CNTN4: variants seen among roughly 807,000 people sequenced by gnomAD.
The protein encoded by CNTN4 is contactin 4, also known as contactin-4.
CNTN4 carries 77 observed loss-of-function variants against 122.5 expected under a neutral mutation model. The ratio of observed to expected loss-of-function variants is 0.63; its 90% CI spans 0.52 to 0.76. The LOEUF is 0.76. Among genes scored for constraint, CNTN4 ranks in the 30% least tolerant of loss-of-function variants. The probability of loss-of-function intolerance (pLI) is 0.00; values close to 1 mark genes in which losing one functional copy is unlikely to be tolerated. For synonymous variants in CNTN4, 512 were observed against 447.0 expected, an observed-to-expected ratio of 1.15 and a Z score of -1.83; for missense variants, 1,256 against 1,259.1, an observed-to-expected ratio of 1.00 and a Z score of 0.04.
intron 3 of CNTN4, among the ~76,000 whole-genome samples, chr3:2,352,669 C>G (rs2044681889): frequency 6.6e-6 from 1 of 152,172 alleles, no homozygotes; most frequent in Non-Finnish European, 1.5e-5. Flanking sequence ...GCCCGAGCTC[C>G]CCCACGGTGG....
chr3:3,045,178 C>T (rs1008705436), intron 23 of CNTN4, among the ~76,000 whole-genome samples: 3 of 152,230 alleles, frequency 2.0e-5, no homozygotes, highest in Non-Finnish European at 4.4e-5. Flanking sequence ...TCAAGGAGGC[C>T]TGCCTGCCTC....
chr3:2,797,050 G>T (rs1005586582), intron 6 of CNTN4, among the ~76,000 whole-genome samples: 1 of 152,176 alleles, frequency 6.6e-6, no homozygotes, highest in African/African-American at 2.4e-5. Flanking sequence ...ACCCAGGCTA[G>T]AGGGCAGGGG....
chr3:2,191,550 TC>T (rs896486226), intron 2 of CNTN4, among the ~76,000 whole-genome samples: 4 of 152,086 alleles, frequency 2.6e-5, no homozygotes, highest in Non-Finnish European at 5.9e-5. Flanking sequence ...ATCCCTCTCT[TC>T]CATGACACCT....
intron 6 of CNTN4, among the ~76,000 whole-genome samples, chr3:2,810,685 A>T (rs1400843209): frequency 6.6e-6 from 1 of 152,246 alleles, no homozygotes; most frequent in South Asian, 2.1e-4. Context: ...TGAAGACTCC[A>T]TACTGCTCTT....
intron 3 of CNTN4, among the ~76,000 whole-genome samples, chr3:2,400,209 A>G (rs1320290054): frequency 6.6e-6 from 1 of 151,664 alleles, no homozygotes; most frequent in African/African-American, 2.4e-5. Context: ...CCACGAAATA[A>G]TATTTTTCTA....
rs552915192 is a variant in CNTN4 at position 2,130,270 on chromosome 3, C to A, written c.-145+29631C>A. On this transcript the variant is annotated intron_variant, in intron 2 of 24. Transcript: ENST00000418658. ...AAAGATGCCACAGTAGTTTAGTCTGCTTTTCTGGAGCTCTGAACCATTGAG... is the reference window on the plus strand; with the variant it reads ...AAAGATGCCACAGTAGTTTAGTCTGATTTTCTGGAGCTCTGAACCATTGAG... Among the ~76,000 whole-genome samples, 3 of 152,250 alleles carry A rather than the reference C, an allele frequency of 2.0e-5. No homozygotes were observed. In the East Asian group the frequency reaches 5.8e-4, roughly 29 times the overall value.
At chr3:2,801,168 A>T (rs1185662392) in intron 6 of CNTN4, among the ~76,000 whole-genome samples, 1 of 152,232 alleles carries the variant, frequency 6.6e-6, no homozygotes, top group Non-Finnish European at 1.5e-5. Flanking sequence ...CCTTAAAGCA[A>T]GATCTGGACT....
chr3:2,770,799 A>C (rs2091063769), intron 6 of CNTN4, among the ~76,000 whole-genome samples: 1 of 152,238 alleles, frequency 6.6e-6, no homozygotes, highest in Non-Finnish European at 1.5e-5. Context: ...TGAGATGCTC[A>C]GTGTGAGACC....
chr3:2,167,238 G>T (rs1220443343), intron 2 of CNTN4, among the ~76,000 whole-genome samples: 1 of 151,900 alleles, frequency 6.6e-6, no homozygotes, highest in East Asian at 1.9e-4. Context: ...TATTATATCT[G>T]CAGCTCTTGG....
intron 2 of CNTN4, among the ~76,000 whole-genome samples, chr3:2,246,296 C>G (rs2040145445): frequency 6.6e-6 from 1 of 151,984 alleles, no homozygotes; most frequent in African/African-American, 2.4e-5. Flanking sequence ...TTTACTTATT[C>G]ATTCAGCAAA....
chr3:2,833,377 A>C (rs2093144762), intron 7 of CNTN4, among the ~76,000 whole-genome samples: 1 of 152,254 alleles, frequency 6.6e-6, no homozygotes, highest in Non-Finnish European at 1.5e-5. Flanking sequence ...TTTTATAAAG[A>C]ACATAAAATG....
At chr3:2,690,661 A>G (rs1331039368) in intron 4 of CNTN4, among the ~76,000 whole-genome samples, 2 of 152,182 alleles carry the variant, frequency 1.3e-5, no homozygotes, top group South Asian at 2.1e-4. Flanking sequence ...TCAGCAGACT[A>G]TAGCCTATGG....
chr3:2,199,388 A>G lies in CNTN4; in HGVS notation c.-145+98749A>G, dbSNP rs113049327. On this transcript the variant is annotated intron_variant, in intron 2 of 24. Coordinates refer to ENST00000418658, the MANE Select transcript of CNTN4 (RefSeq NM_175607.3). The stretch of plus-strand genomic sequence containing the variant: ...TTTTGATTGTGAGTTTTTCTACTGC[A>G]GAGATCCCTCCGTACCTTCTCTCCC... 7.9e-3 allele frequency among the ~76,000 whole-genome samples: 1,194 copies of G among 152,040 alleles called. 13 individuals are homozygous for G. The highest frequency in any genetic ancestry group is 0.027 in the African/African-American group (1,113 of 41,444).
chr3:2,139,690 C>T (rs1204758246), intron 2 of CNTN4, among the ~76,000 whole-genome samples: 2 of 152,194 alleles, frequency 1.3e-5, no homozygotes, highest in Non-Finnish European at 2.9e-5. Context: ...TGCAAGACTG[C>T]TTGGTTGGGG....
intron 2 of CNTN4, among the ~76,000 whole-genome samples, chr3:2,183,322 A>G (rs2037101909): frequency 6.6e-6 from 1 of 152,182 alleles, no homozygotes; most frequent in Non-Finnish European, 1.5e-5. Context: ...TTTATCATGT[A>G]GGAATGTACT....
chr3:2,330,938 A>G (rs748621203), intron 2 of CNTN4, among the ~76,000 whole-genome samples: 1 of 152,222 alleles, frequency 6.6e-6, no homozygotes, highest in Non-Finnish European at 1.5e-5. Flanking sequence ...ACACTTTTAT[A>G]TCACATCACA....
intron 6 of CNTN4, among the ~76,000 whole-genome samples, chr3:2,817,494 T>A (rs1426895247): frequency 6.6e-6 from 1 of 152,202 alleles, no homozygotes; most frequent in East Asian, 1.9e-4. Context: ...GAGATACACT[T>A]CAAATGCCTA....
chr3:2,283,259 G>T (rs974558569), intron 2 of CNTN4, among the ~76,000 whole-genome samples: 2 of 152,096 alleles, frequency 1.3e-5, no homozygotes, highest in African/African-American at 4.8e-5. Flanking sequence ...GAAGAGCATT[G>T]TAAGTCTCAA....
chr3:2,917,297 G>A (rs9874096), intron 12 of CNTN4, among the ~76,000 whole-genome samples: 103,295 of 151,380 alleles, frequency 0.68, 35,414 homozygotes, highest in Admixed American at 0.73. Flanking sequence ...AAAGCGGGAG[G>A]CGGAGACGAG....
Sources: allele counts gnomAD v4.1 joint callset (sites outside exome capture counted in the v4.1 genomes callset), GRCh38; gene constraint gnomAD v4.1.1; transcripts MANE v1.5; gene names NCBI Gene and HGNC (gene_info 2026-07-23, HGNC 2026-07-21).